Variants in FRRS1 observed in about 807,000 individuals in gnomAD.
FRRS1 encodes the protein ferric reductase 1.
In FRRS1, 51 loss-of-function variants were observed where a neutral mutation model predicts 70.7. That is an observed-to-expected ratio of 0.72 (90% CI 0.58 to 0.91). The LOEUF (loss-of-function observed/expected upper bound fraction) is 0.91, where lower values mean the gene tolerates loss of function less well. Among genes scored for constraint, FRRS1 ranks in the 40% least tolerant of loss-of-function variants. FRRS1 has a pLI of 0.00. For missense variants in FRRS1, 672 were observed against 726.0 expected, an observed-to-expected ratio of 0.93 and a Z score of 0.86; for synonymous variants, 225 against 238.7, an observed-to-expected ratio of 0.94 and a Z score of 0.53.
chr1:99,741,474 A>G (rs1031807403), intron 5 of FRRS1, among the ~76,000 whole-genome samples: 5 of 152,244 alleles, frequency 3.3e-5, no homozygotes, highest in African/African-American at 1.2e-4. Context: ...ATGTCAGGAT[A>G]GCAATCCTTC....
At position 99,704,763 on chromosome 1, in the gene FRRS1, A is replaced by T. The variant is rs552206257; in HGVS notation, c.*4265T>A. On this transcript the variant is annotated 3_prime_UTR_variant, in exon 17 of 17. Coordinates refer to ENST00000646001, the MANE Select transcript of FRRS1 (RefSeq NM_001361041.2). ...GCACGCCAGAGGAAGAGCACACGAC[A>T]GATCCCAGCATGCCGACAGGCCACG... is the stretch of plus-strand genomic sequence containing the variant. Among the ~76,000 whole-genome samples, 8 of 152,092 alleles carry T rather than the reference A, an allele frequency of 5.3e-5. No homozygotes were observed. Among genetic ancestry groups the T allele is most frequent in the Admixed American group, 5.2e-4 (8 of 15,274 alleles).
intron 15 of FRRS1, among the ~76,000 whole-genome samples, chr1:99,709,817 A>C (rs72956489): frequency 0.13 from 20,126 of 151,940 alleles, 2,853 homozygotes; most frequent in African/African-American, 0.36. Flanking sequence ...AAATTTAAAA[A>C]CTTAGCTGGG....
At chr1:99,729,511 G>A (rs568018418) in intron 8 of FRRS1, 139 bp downstream of exon 8, 1 of 551,548 alleles carries the variant, frequency 1.8e-6, no homozygotes, top group South Asian at 3.0e-5. Flanking sequence ...TATGAGAGGA[G>A]CCCTGCTGGC....
intron 1 of FRRS1, among the ~76,000 whole-genome samples, chr1:99,759,733 G>A (rs1030964267): frequency 2.6e-5 from 4 of 152,138 alleles, no homozygotes; most frequent in Admixed American, 6.6e-5. Flanking sequence ...AGAGAAAGAC[G>A]AAAAGAAATG....
At chr1:99,718,952 A>G (rs1654668752) in intron 10 of FRRS1, among the ~76,000 whole-genome samples, 1 of 152,168 alleles carries the variant, frequency 6.6e-6, no homozygotes, top group South Asian at 2.1e-4. Context: ...ATGTCTTAAA[A>G]GCTCCACTGG....
chr1:99,758,395 A>C (rs1656947843), intron 1 of FRRS1, among the ~76,000 whole-genome samples: 1 of 152,246 alleles, frequency 6.6e-6, no homozygotes, highest in African/African-American at 2.4e-5. Context: ...AGTCAGGGAC[A>C]CTGAATGGAG....
At chr1:99,754,159 C>A (rs912150161) in intron 1 of FRRS1, among the ~76,000 whole-genome samples, 1 of 152,086 alleles carries the variant, frequency 6.6e-6, no homozygotes, top group Non-Finnish European at 1.5e-5. Context: ...ATAGATGAAT[C>A]CACTATCAGA....
chr1:99,761,615 G>C (rs1657115045), intron 1 of FRRS1, among the ~76,000 whole-genome samples: 1 of 152,110 alleles, frequency 6.6e-6, no homozygotes. Flanking sequence ...TAAAACAATA[G>C]TAAATACTAT....
At chr1:99,736,117 A>G (rs1655644813) in intron 7 of FRRS1, among the ~76,000 whole-genome samples, 1 of 152,158 alleles carries the variant, frequency 6.6e-6, no homozygotes, top group Admixed American at 6.5e-5. Context: ...ACCACCTATC[A>G]TTATTGCTTT....
chr1:99,744,624 T>C (rs560350285), intron 4 of FRRS1, among the ~76,000 whole-genome samples: 1 of 152,092 alleles, frequency 6.6e-6, no homozygotes, highest in South Asian at 2.1e-4. Flanking sequence ...CCATCTCTAC[T>C]AAAAATACAA....
chr1:99,749,009 A>G lies in FRRS1; in HGVS notation c.-105-8T>C. 1 of 352,796 alleles carries G rather than the reference A, an allele frequency of 2.8e-6. No homozygotes were observed. The highest frequency in any genetic ancestry group is 5.1e-6 in the Non-Finnish European group (1 of 196,870). 21.9% of individuals were successfully genotyped at this position (352,796 alleles called of 1,614,324 possible). ...AATCCTCCACTTCCTTACCTGAAAAATAAGGAAACAAAGATCTCTTTTCAA... is the reference window on the plus strand; with the variant it reads ...AATCCTCCACTTCCTTACCTGAAAAGTAAGGAAACAAAGATCTCTTTTCAA... On this transcript the variant is annotated splice_polypyrimidine_tract_variant and splice_region_variant and intron_variant, in intron 1 of 16. Coordinates refer to ENST00000646001, the MANE Select transcript of FRRS1 (RefSeq NM_001361041.2).
intron 1 of FRRS1, among the ~76,000 whole-genome samples, chr1:99,755,198 T>C (rs567355339): frequency 2.6e-5 from 4 of 152,042 alleles, no homozygotes; most frequent in Non-Finnish European, 5.9e-5. Context: ...AGCCGGAGAA[T>C]TACTTGAAGC....
chr1:99,732,991 A>C (rs955627378), intron 7 of FRRS1, among the ~76,000 whole-genome samples: 1 of 151,926 alleles, frequency 6.6e-6, no homozygotes, highest in African/African-American at 2.4e-5. Flanking sequence ...CCACAGCTGC[A>C]TGCCACTACG....
At chr1:99,721,447 T>A (rs1225354027) in intron 9 of FRRS1, among the ~76,000 whole-genome samples, 1 of 150,956 alleles carries the variant, frequency 6.6e-6, no homozygotes, top group African/African-American at 2.4e-5. Context: ...TAGAAGACCA[T>A]TTTATATAAA....
intron 4 of FRRS1, among the ~76,000 whole-genome samples, chr1:99,745,145 A>G (rs749466501): frequency 6.6e-5 from 10 of 152,182 alleles, no homozygotes; most frequent in Non-Finnish European, 1.2e-4. Context: ...TTAAGGCAAG[A>G]AAGAGCAGGC....
At chr1:99,755,619 C>T (rs896753515) in intron 1 of FRRS1, among the ~76,000 whole-genome samples, 2 of 152,316 alleles carry the variant, frequency 1.3e-5, no homozygotes, top group African/African-American at 4.8e-5. Flanking sequence ...GGAAACAAAA[C>T]TTGATATCCA....
At chr1:99,741,697 T>C (rs1177490360) in intron 5 of FRRS1, among the ~76,000 whole-genome samples, 1 of 152,234 alleles carries the variant, frequency 6.6e-6, no homozygotes, top group African/African-American at 2.4e-5. Context: ...CTTTCATTTG[T>C]ATTCTCATGC....
At chr1:99,730,307 ATG>A (rs1377267120) in intron 7 of FRRS1, among the ~76,000 whole-genome samples, 17 of 152,328 alleles carry the variant, frequency 1.1e-4, no homozygotes, top group African/African-American at 4.1e-4. Context: ...AATAGATTTA[ATG>A]TTATATAACT....
intron 9 of FRRS1, among the ~76,000 whole-genome samples, chr1:99,719,990 TA>T (rs752116111): frequency 4.2e-4 from 64 of 152,066 alleles, no homozygotes; most frequent in African/African-American, 1.2e-3. Context: ...TTGAAAATGT[TA>T]AAAAAAATAT....
Sources: allele counts gnomAD v4.1 joint callset (sites outside exome capture counted in the v4.1 genomes callset), GRCh38; gene constraint gnomAD v4.1.1; transcripts MANE v1.5; gene names NCBI Gene and HGNC (gene_info 2026-07-23, HGNC 2026-07-21).